Variants in STK39 observed in about 807,000 individuals in gnomAD.
STK39 encodes STE20/SPS1-related proline-alanine-rich protein kinase.
STK39 carries 20 observed loss-of-function variants against 77.8 expected under a neutral mutation model. That is an observed-to-expected ratio of 0.26 (90% confidence interval 0.18 to 0.37). The LOEUF (loss-of-function observed/expected upper bound fraction) is 0.37. STK39 is among the 10% of genes least tolerant of loss of function. The probability of loss-of-function intolerance (pLI) is 1.00; values close to 1 mark genes in which losing one functional copy is unlikely to be tolerated. For missense variants in STK39, 479 were observed against 656.5 expected (o/e 0.73, Z 2.95); for synonymous variants, 246 against 234.1 (o/e 1.05, Z -0.47).
At chr2:168,113,209 T>A (rs1444132932) in intron 10 of STK39, 4 of 152,156 alleles carry the variant, frequency 2.6e-5, no homozygotes, top group Non-Finnish European at 5.9e-5. Flanking sequence ...CATCCCCCCC[T>A]CTATTATACA....
chr2:168,088,248 T>C (rs1241283769), intron 10 of STK39, among the ~76,000 whole-genome samples: 1 of 152,108 alleles, frequency 6.6e-6, no homozygotes, highest in Non-Finnish European at 1.5e-5. Context: ...ACCAAGGGGG[T>C]TCCTTCATAA....
intron 1 of STK39, among the ~76,000 whole-genome samples, chr2:168,225,523 C>T (rs980002442): frequency 7.2e-5 from 11 of 152,060 alleles, no homozygotes; most frequent in South Asian, 4.1e-4. Flanking sequence ...TCTCAGGATT[C>T]GGGTATCATT....
chr2:168,240,779 G>T (rs1690739242), intron 1 of STK39, among the ~76,000 whole-genome samples: 1 of 152,238 alleles, frequency 6.6e-6, no homozygotes, highest in East Asian at 1.9e-4. Context: ...ATTTGATGTG[G>T]TAATTGAAGC....
intron 15 of STK39, among the ~76,000 whole-genome samples, chr2:168,016,484 T>C (rs899685079): frequency 5.9e-5 from 9 of 151,898 alleles, no homozygotes; most frequent in Non-Finnish European, 8.8e-5. Flanking sequence ...CCATTCACTT[T>C]GGCTTCTGTG....
At chr2:168,023,818 T>C (rs527626293) in intron 14 of STK39, among the ~76,000 whole-genome samples, 1 of 152,272 alleles carries the variant, frequency 6.6e-6, no homozygotes, top group East Asian at 1.9e-4. Context: ...AGCTTTGAGG[T>C]TGGCAACACC....
At chr2:168,042,990 T>C (rs560596611) in intron 14 of STK39, among the ~76,000 whole-genome samples, 1 of 152,274 alleles carries the variant, frequency 6.6e-6, no homozygotes, top group Admixed American at 6.5e-5. Flanking sequence ...ATGTATTTGG[T>C]AGGGGCAGGA....
intron 14 of STK39, among the ~76,000 whole-genome samples, chr2:168,027,852 A>G (rs986886399): frequency 1.3e-5 from 2 of 152,280 alleles, no homozygotes; most frequent in African/African-American, 4.8e-5. Flanking sequence ...AGGATTTCAC[A>G]CAGCTGACAC....
At chr2:168,072,947 T>A (rs542152909) in intron 12 of STK39, among the ~76,000 whole-genome samples, 1 of 152,296 alleles carries the variant, frequency 6.6e-6, no homozygotes, top group African/African-American at 2.4e-5. Flanking sequence ...GTGGAAGTGT[T>A]TACATGCAAA....
chr2:167,977,146 T>C (rs1249266745), intron 16 of STK39, among the ~76,000 whole-genome samples: 2 of 152,192 alleles, frequency 1.3e-5, no homozygotes, highest in Admixed American at 1.3e-4. Flanking sequence ...AAATGTCTGA[T>C]TCGGTTTGGC....
intron 1 of STK39, among the ~76,000 whole-genome samples, chr2:168,186,725 T>G (rs1689218710): frequency 6.6e-6 from 1 of 152,178 alleles, no homozygotes; most frequent in Non-Finnish European, 1.5e-5. Context: ...AATGTTAGGC[T>G]CTCTCTCTGG....
chr2:168,033,444 T>C (rs1245239687), intron 14 of STK39, among the ~76,000 whole-genome samples: 1 of 152,142 alleles, frequency 6.6e-6, no homozygotes, highest in Admixed American at 6.5e-5. Context: ...GGATGGTGGG[T>C]TCAGCTCAGA....
At chr2:168,088,196 C>T (rs1413510931) in intron 10 of STK39, among the ~76,000 whole-genome samples, 2 of 152,248 alleles carry the variant, frequency 1.3e-5, no homozygotes, top group Non-Finnish European at 1.5e-5. Flanking sequence ...TTTCAACATA[C>T]AAATGTATGC....
At chr2:168,057,598 G>T (rs561617773) in intron 14 of STK39, among the ~76,000 whole-genome samples, 8 of 151,976 alleles carry the variant, frequency 5.3e-5, no homozygotes, top group African/African-American at 1.9e-4. Flanking sequence ...TTACATGCTG[G>T]GTCATTATTA....
chr2:168,066,768 G>A (rs971103246), intron 12 of STK39, among the ~76,000 whole-genome samples: 5 of 152,224 alleles, frequency 3.3e-5, no homozygotes, highest in African/African-American at 1.2e-4. Flanking sequence ...CAACCTTACT[G>A]TGTAGGTGTA....
chr2:167,980,650 CAT>C (rs1491383833), intron 16 of STK39, among the ~76,000 whole-genome samples: 3 of 151,988 alleles, frequency 2.0e-5, no homozygotes, highest in Non-Finnish European at 4.4e-5. Context: ...CTCTCTCACA[CAT>C]GTGGCCAGTC....
Position 168,041,055 on chromosome 2 carries a change from T to C in STK39, c.1376+22445A>G, listed in dbSNP as rs183649434. 1.1e-3 allele frequency among the ~76,000 whole-genome samples: 165 copies of C among 152,304 alleles called. 1 individual carries two copies. The highest frequency in any genetic ancestry group is 3.8e-3 in the African/African-American group (159 of 41,576). ...CATAGAGAAGTAAACAAAATAGACC[T>C]GGTCCTTGCCCACTTGGAGCTTACC... On this transcript the variant is annotated intron_variant, in intron 14 of 17. Transcript: ENST00000355999.
intron 1 of STK39, among the ~76,000 whole-genome samples, chr2:168,232,739 C>T (rs953435350): frequency 3.9e-5 from 6 of 152,092 alleles, no homozygotes; most frequent in South Asian, 2.1e-4. Context: ...GGTGAAATCC[C>T]GTCTCTACTA....
At chr2:168,053,225 A>C (rs1685442063) in intron 14 of STK39, among the ~76,000 whole-genome samples, 2 of 152,244 alleles carry the variant, frequency 1.3e-5, no homozygotes, top group South Asian at 4.1e-4. Flanking sequence ...GTTTTGGTGC[A>C]TTCAATCCAA....
chr2:168,214,145 C>T (rs1406796027), intron 1 of STK39, among the ~76,000 whole-genome samples: 3 of 152,088 alleles, frequency 2.0e-5, no homozygotes, highest in South Asian at 2.1e-4. Context: ...GCAAGTCACT[C>T]GGCATCCCTG....
Sources: allele counts gnomAD v4.1 joint callset (sites outside exome capture counted in the v4.1 genomes callset), GRCh38; gene constraint gnomAD v4.1.1; transcripts MANE v1.5; gene names NCBI Gene and HGNC (gene_info 2026-07-23, HGNC 2026-07-21).